ANKRD17: variants seen among roughly 807,000 people sequenced by gnomAD.
ANKRD17 encodes ankyrin repeat domain-containing protein 17.
Under a neutral mutation model 229.7 loss-of-function variants are expected in ANKRD17, and 19 were observed. The ratio of observed to expected loss-of-function variants is 0.08; its 90% CI spans 0.06 to 0.12. ANKRD17 has a LOEUF of 0.12. Among genes scored for constraint, ANKRD17 ranks in the 10% least tolerant of loss-of-function variants. The pLI, the probability that ANKRD17 is intolerant of heterozygous loss-of-function variation, is 1.00. For synonymous variants in ANKRD17, 1,112 were observed against 1,146.1 expected (o/e 0.97, Z 0.60); for missense variants, 2,176 against 3,176.8 (o/e 0.68, Z 7.57).
rs1424750194 is a variant in ANKRD17 at position 73,091,172 on chromosome 4, A to C, written c.6456T>G (p.Thr2152=). 14 of 1,614,082 alleles carry C rather than the reference A, an allele frequency of 8.7e-6. No homozygotes were observed. The highest frequency in any genetic ancestry group is 1.2e-5 in the Non-Finnish European group (14 of 1,180,042). The change falls in exon 29 of 34, where the codon ACT becomes ACG. Residue 2152 remains threonine, a synonymous_variant. Coordinates refer to ENST00000358602, the MANE Select transcript of ANKRD17 (RefSeq NM_032217.5). The part of the protein sequence containing the change: ...TSSAPVAVPS[T]APVTYPMPQT... ...GAGGCATAGGGTAAGTCACTGGGGCAGTAGAAGGCACCGCCACTGGAGCAG... is the reference window on the plus strand; with the variant it reads ...GAGGCATAGGGTAAGTCACTGGGGCCGTAGAAGGCACCGCCACTGGAGCAG...
At chr4:73,246,828 G>C (rs924436018) in intron 1 of ANKRD17, among the ~76,000 whole-genome samples, 1 of 152,084 alleles carries the variant, frequency 6.6e-6, no homozygotes, top group African/African-American at 2.4e-5. Flanking sequence ...CTATAAAAAG[G>C]AGTAAATAAG....
At chr4:73,107,532 G>A (rs1160546327) in intron 24 of ANKRD17, among the ~76,000 whole-genome samples, 1 of 152,156 alleles carries the variant, frequency 6.6e-6, no homozygotes, top group African/African-American at 2.4e-5. Context: ...GGGGAAAAGA[G>A]CAGCGAGATG....
intron 1 of ANKRD17, among the ~76,000 whole-genome samples, chr4:73,204,805 A>C (rs1739231694): frequency 6.6e-6 from 1 of 152,218 alleles, no homozygotes; most frequent in Admixed American, 6.5e-5. Context: ...TGTGACAACA[A>C]TTATTAGCTA....
In ANKRD17 at chr4:73,184,528, CAAAAAAAAAAAA is replaced by C. The variant is rs776930137; in HGVS notation, c.394-7007_394-6996del. On this transcript the variant is annotated intron_variant, in intron 1 of 33. Transcript: ENST00000358602. The stretch of plus-strand genomic sequence containing the variant: ...GAGGGACAAGAGCTAGACTTCCTCT[CAAAAAAAAAAAA>C]AAAAAAAAAAAAAGAAAAGAAAACT... 0.01 allele frequency among the ~76,000 whole-genome samples: 306 copies of C among 29,982 alleles called. 3 individuals are homozygous for C. In the East Asian group the frequency reaches 0.16, roughly 16 times the overall value. 19.7% of individuals were successfully genotyped at this position (29,982 alleles called of 152,430 possible). A position where few individuals can be genotyped will look rare whatever the true frequency, so the allele number is the denominator to read the frequency against.
At chr4:73,076,565 A>C (rs1271589572) in intron 33 of ANKRD17, among the ~76,000 whole-genome samples, 1 of 152,182 alleles carries the variant, frequency 6.6e-6, no homozygotes, top group African/African-American at 2.4e-5. Flanking sequence ...ACATACACTA[A>C]ACTAAAATAT....
chr4:73,199,856 A>C (rs1003923075), intron 1 of ANKRD17, among the ~76,000 whole-genome samples: 45 of 152,206 alleles, frequency 3.0e-4, no homozygotes, highest in African/African-American at 9.9e-4. Context: ...TGAATATTAC[A>C]TTAGTATATG....
intron 23 of ANKRD17, among the ~76,000 whole-genome samples, chr4:73,114,645 T>G (rs1725718320): frequency 6.6e-6 from 1 of 152,054 alleles, no homozygotes; most frequent in African/African-American, 2.4e-5. Flanking sequence ...CCAGTCTTAT[T>G]CTTAGTATTA....
chr4:73,228,690 T>C (rs1742751279), intron 1 of ANKRD17, among the ~76,000 whole-genome samples: 1 of 152,214 alleles, frequency 6.6e-6, no homozygotes, highest in Non-Finnish European at 1.5e-5. Flanking sequence ...TACATAAATA[T>C]TTATCTTTGA....
At chr4:73,228,559 T>C (rs959244139) in intron 1 of ANKRD17, among the ~76,000 whole-genome samples, 1 of 152,156 alleles carries the variant, frequency 6.6e-6, no homozygotes, top group Non-Finnish European at 1.5e-5. Flanking sequence ...CTTCCAGAAA[T>C]AACCTACATA....
At chr4:73,146,661 A>T (rs2148843239) in intron 10 of ANKRD17, 103 bp downstream of exon 10, 1 of 847,332 alleles carries the variant, frequency 1.2e-6, no homozygotes, top group South Asian at 2.7e-5. Context: ...TAAAAAAAAC[A>T]ATAAAACTGA....
At position 73,135,226 on chromosome 4, in the gene ANKRD17, G is replaced by T; in HGVS notation, c.3125C>A (p.Thr1042Asn). The T allele has an allele frequency of 6.2e-7, 1 of 1,613,566 alleles. No homozygotes were observed. Among genetic ancestry groups the T allele is most frequent in the Non-Finnish European group, 8.5e-7 (1 of 1,179,632 alleles). ...GRASAMSNTP[T>N]HSIAASISQP... is the part of the protein sequence containing the mutation. ...GGAAATGGATGCAGCAATACTGTGG[G>T]TAGGAGTGTTTGACATTGCAGATGC... Residue 1042 changes from threonine to asparagine, a missense_variant, in exon 16 of 34, where the codon ACC becomes AAC. By Grantham distance (65) the Thr-to-Asn change is moderately conservative (BLOSUM62 0). Around this residue, in one of 18 missense-constraint regions of ANKRD17, gnomAD observed 230 missense variants for 252.3 expected, o/e 0.91. Coordinates refer to ENST00000358602, the MANE Select transcript of ANKRD17 (RefSeq NM_032217.5).
chr4:73,211,847 CA>C (rs567271450), intron 1 of ANKRD17, among the ~76,000 whole-genome samples: 2,124 of 49,762 alleles, frequency 0.043, 24 homozygotes, highest in African/African-American at 0.11. Flanking sequence ...AACTCTGTCT[CA>C]AAAAAAAAAA....
intron 1 of ANKRD17, among the ~76,000 whole-genome samples, chr4:73,218,871 G>A (rs1741470157): frequency 6.6e-6 from 1 of 151,972 alleles, no homozygotes; most frequent in Admixed American, 6.6e-5. Flanking sequence ...GACCATCCTG[G>A]CCAACATAGT....
chr4:73,257,625 A>G (rs1293148909), intron 1 of ANKRD17, among the ~76,000 whole-genome samples: 1 of 152,202 alleles, frequency 6.6e-6, no homozygotes, highest in Non-Finnish European at 1.5e-5. Flanking sequence ...GTTACTGATA[A>G]ATTTATACAA....
chr4:73,142,212 C>A, intron 13 of ANKRD17, 30 bp downstream of exon 13: 1 of 1,514,418 alleles, frequency 6.6e-7, no homozygotes. Context: ...GAAGACATAC[C>A]ATAAAATGCT....
chr4:73,199,864 A>C (rs554930685), intron 1 of ANKRD17, among the ~76,000 whole-genome samples: 6 of 152,204 alleles, frequency 3.9e-5, no homozygotes, highest in African/African-American at 1.4e-4. Context: ...ACATTAGTAT[A>C]TGTCCTTTCT....
At chr4:73,093,837 T>C (rs1425596280) in intron 28 of ANKRD17, among the ~76,000 whole-genome samples, 2 of 152,236 alleles carry the variant, frequency 1.3e-5, no homozygotes, top group East Asian at 3.8e-4. Flanking sequence ...AGAAATTATT[T>C]ATTTAAACCT....
chr4:73,105,774 A>C (rs1329692014), intron 24 of ANKRD17, among the ~76,000 whole-genome samples: 1 of 152,216 alleles, frequency 6.6e-6, no homozygotes, highest in Non-Finnish European at 1.5e-5. Context: ...ATTAAAAGAA[A>C]GGCAAAATAC....
chr4:73,195,106 T>G (rs2149082165), intron 1 of ANKRD17, among the ~76,000 whole-genome samples: 1 of 152,042 alleles, frequency 6.6e-6, no homozygotes, highest in East Asian at 1.9e-4. Flanking sequence ...AAGTTCCTTT[T>G]CTGTATCTAC....
Sources: gnomAD v4.1 joint callset for allele counts (sites outside exome capture counted in the v4.1 genomes callset) on GRCh38, gnomAD v4.1.1 for gene constraint, gnomAD v4.1.1 regional missense constraint, MANE v1.5 for transcripts, NCBI Gene and HGNC (gene_info 2026-07-23, HGNC 2026-07-21) for gene names.